RNF38: variants seen among roughly 807,000 people sequenced by gnomAD.
The protein encoded by RNF38 is E3 ubiquitin-protein ligase RNF38.
Under a neutral mutation model 67.2 loss-of-function variants are expected in RNF38, and 15 were observed. That is an observed-to-expected ratio of 0.22 (90% CI 0.15 to 0.34). The LOEUF (loss-of-function observed/expected upper bound fraction) is 0.34. RNF38 is among the 10% of genes least tolerant of loss of function. RNF38 has a pLI of 1.00. For synonymous variants in RNF38, 220 were observed against 218.8 expected (o/e 1.01, Z -0.05); for missense variants, 524 against 639.9 (o/e 0.82, Z 1.95).
intron 1 of RNF38, among the ~76,000 whole-genome samples, chr9:36,482,642 T>G (rs1367863086): frequency 6.6e-6 from 1 of 152,178 alleles, no homozygotes; most frequent in Admixed American, 6.6e-5. Context: ...CGTGAGCCAC[T>G]GCGCCAGGCT....
At chr9:36,380,490 G>A (rs1162908068) in intron 2 of RNF38, among the ~76,000 whole-genome samples, 1 of 150,190 alleles carries the variant, frequency 6.7e-6, no homozygotes, top group African/African-American at 2.4e-5. Context: ...GTGAGCCACT[G>A]CGCCCGGCCT....
chr9:36,401,107 C>G, upstream of RNF38: 2 of 985,064 alleles, frequency 2.0e-6, no homozygotes, highest in East Asian at 1.1e-4. Flanking sequence ...CCTAGCGAGC[C>G]CAGCGCGCCA....
At chr9:36,417,329 G>A (rs1455872258) in intron 2 of RNF38, among the ~76,000 whole-genome samples, 1 of 152,144 alleles carries the variant, frequency 6.6e-6, no homozygotes, top group East Asian at 1.9e-4. Flanking sequence ...AAAAGTTCAC[G>A]ATGTGAGTCT....
chr9:36,407,238 G>A (rs1232611418), intron 2 of RNF38, among the ~76,000 whole-genome samples: 2 of 152,174 alleles, frequency 1.3e-5, no homozygotes, highest in Non-Finnish European at 2.9e-5. Flanking sequence ...GGGCAGCAAA[G>A]GCTCACCCAA....
chr9:36,356,853 T>C (rs1191597229), intron 5 of RNF38, among the ~76,000 whole-genome samples: 1 of 152,144 alleles, frequency 6.6e-6, no homozygotes, highest in Non-Finnish European at 1.5e-5. Flanking sequence ...TTTTCAATCC[T>C]GTAGAAATCT....
intron 4 of RNF38, among the ~76,000 whole-genome samples, chr9:36,366,867 G>A (rs541145042): frequency 1.4e-4 from 21 of 152,138 alleles, no homozygotes; most frequent in Non-Finnish European, 2.4e-4. Context: ...AATTATTGGG[G>A]GAACTGAGAA....
intron 9 of RNF38, 98 bp from the exon 10 acceptor site, chr9:36,345,051 G>A: frequency 1.5e-6 from 2 of 1,321,716 alleles, no homozygotes; most frequent in Non-Finnish European, 2.1e-6. Flanking sequence ...TGTTGCCCAG[G>A]CTAGAGTATA....
At chr9:36,460,709 G>A (rs1477563208) in intron 1 of RNF38, among the ~76,000 whole-genome samples, 9 of 151,826 alleles carry the variant, frequency 5.9e-5, no homozygotes, top group African/African-American at 2.2e-4. Flanking sequence ...CCAACGTGGA[G>A]AAACCCCATC....
chr9:36,428,474 T>TATAC (rs1554694773), intron 1 of RNF38, among the ~76,000 whole-genome samples: 2 of 138,716 alleles, frequency 1.4e-5, no homozygotes, highest in East Asian at 4.1e-4. Flanking sequence ...TATATATATA[T>TATAC]ACACGTATAA....
chr9:36,455,814 AGCAGGAGAATC>A (rs1398892434), intron 1 of RNF38, among the ~76,000 whole-genome samples: 1 of 148,756 alleles, frequency 6.7e-6, no homozygotes, highest in Non-Finnish European at 1.5e-5. Flanking sequence ...AGGAGGCTGA[AGCAGGAGAATC>A]GCTTGAATCT....
chr9:36,383,057 T>A (rs1340447354), intron 2 of RNF38, among the ~76,000 whole-genome samples: 1 of 152,202 alleles, frequency 6.6e-6, no homozygotes, highest in Non-Finnish European at 1.5e-5. Context: ...TTGCAGAAGA[T>A]GGATATAAGC....
rs543483602 is a variant in RNF38 at position 36,345,076 on chromosome 9, G to A, written c.1264-123C>T. 8.2e-5 allele frequency: 83 copies of A among 1,008,148 alleles called. No homozygotes were observed. The African/African-American group carries it at 1.2e-3, about 15-fold the overall frequency. 62.5% of individuals were successfully genotyped at this position (1,008,148 alleles called of 1,614,324 possible). ...GCTAGAGTATAGCGGCTGTTCACAG[G>A]CATGATCATTGTGCACTGTGGCCTC... On this transcript the variant is annotated intron_variant, in intron 9 of 11. Coordinates refer to ENST00000259605, the MANE Select transcript of RNF38 (RefSeq NM_022781.5).
At position 36,375,686 on chromosome 9, in the gene RNF38, T is replaced by G. The variant is rs73648745; in HGVS notation, c.356+248A>C. 3.8e-3 allele frequency among the ~76,000 whole-genome samples: 572 copies of G among 152,328 alleles called. 4 individuals are homozygous for G. Among genetic ancestry groups the G allele is most frequent in the African/African-American group, 0.013 (548 of 41,576 alleles). ...CACAACAATCTGTACCTTAAGTAGC[T>G]AATTTCATATATAATGGCATCGACT... On this transcript the variant is annotated intron_variant, in intron 3 of 11. Coordinates refer to ENST00000259605, the MANE Select transcript of RNF38 (RefSeq NM_022781.5).
chr9:36,445,331 T>G (rs1310354299), intron 1 of RNF38, among the ~76,000 whole-genome samples: 1 of 152,174 alleles, frequency 6.6e-6, no homozygotes, highest in East Asian at 1.9e-4. Flanking sequence ...TCATACAAAG[T>G]AGATTTTGTG....
At chr9:36,397,021 G>GTATATACGTATATACGTATATACACA (rs1564040296) in intron 1 of RNF38, among the ~76,000 whole-genome samples, 19 of 146,690 alleles carry the variant, frequency 1.3e-4, no homozygotes, top group African/African-American at 4.5e-4. Flanking sequence ...ATGTGTGTGT[G>GTATATACGTATATACGTATATACACA]TGTGTATATA....
rs1316283986 is a variant in RNF38, at chr9:36,336,851, A to AT, written c.*2900dup. Reference sequence around the variant, plus strand: ...GGCCCAAATTTAAGAATCTTAACAAATCACATTTCAGATAGTATATAAAAT... The same window carrying AT: ...GGCCCAAATTTAAGAATCTTAACAAATTCACATTTCAGATAGTATATAAAAT... On this transcript the variant is annotated 3_prime_UTR_variant, in exon 12 of 12. Transcript: ENST00000259605. The AT allele has an allele frequency of 6.6e-6, 1 of 152,384 alleles. No homozygotes were observed. 9.4% of individuals were successfully genotyped at this position (152,384 alleles called of 1,614,324 possible).
chr9:36,432,291 T>G (rs1159651028), intron 1 of RNF38, among the ~76,000 whole-genome samples: 2 of 152,106 alleles, frequency 1.3e-5, no homozygotes, highest in Admixed American at 1.3e-4. Context: ...TGTGCCATTA[T>G]GCCTGGCTAA....
chr9:36,420,521 G>C (rs1440637537), intron 2 of RNF38, among the ~76,000 whole-genome samples: 1 of 37,894 alleles, frequency 2.6e-5, no homozygotes, highest in Non-Finnish European at 8.9e-5. Flanking sequence ...AACAGAGCAA[G>C]ACTCTGTCTC....
intron 1 of RNF38, among the ~76,000 whole-genome samples, chr9:36,458,456 T>C (rs1839644534): frequency 6.6e-6 from 1 of 152,228 alleles, no homozygotes; most frequent in Admixed American, 6.5e-5. Flanking sequence ...GCTCACTCTT[T>C]GGGTCTGCAC....
Sources: gnomAD v4.1 joint callset for allele counts (sites outside exome capture counted in the v4.1 genomes callset) on GRCh38, gnomAD v4.1.1 for gene constraint, MANE v1.5 for transcripts, NCBI Gene and HGNC (gene_info 2026-07-23, HGNC 2026-07-21) for gene names.